The following SHLD2 variants were observed in gnomAD, a reference collection of about 807,000 sequenced individuals.
The protein encoded by SHLD2 is shieldin complex subunit 2, also known as RINN1-REV7-interacting novel NHEJ regulator 2.
Under a neutral mutation model 73.2 loss-of-function variants are expected in SHLD2, and 30 were observed. The ratio of observed to expected loss-of-function variants is 0.41; its 90% CI spans 0.31 to 0.56. The LOEUF (loss-of-function observed/expected upper bound fraction) is 0.56, where lower values mean the gene tolerates loss of function less well. SHLD2 is among the 20% of genes least tolerant of loss of function. The pLI is 0.28. For missense variants in SHLD2, 745 were observed against 1,055.9 expected (o/e 0.71, Z 4.08); for synonymous variants, 285 against 370.1 (o/e 0.77, Z 2.64).
At chr10:87,100,843 C>G (rs1424004730) in intron 2 of SHLD2, among the ~76,000 whole-genome samples, 1 of 151,568 alleles carries the variant, frequency 6.6e-6, no homozygotes, top group Non-Finnish European at 1.5e-5. Flanking sequence ...TTTTTTTTTC[C>G]AAGATTGGTT....
At chr10:87,162,731 G>A (rs1336898381) in intron 4 of SHLD2, among the ~76,000 whole-genome samples, 3 of 152,004 alleles carry the variant, frequency 2.0e-5, no homozygotes, top group Admixed American at 2.0e-4. Flanking sequence ...TATAAAAATG[G>A]CTATCAAATA....
chr10:87,155,449 G>A (rs1846346136), intron 3 of SHLD2, among the ~76,000 whole-genome samples: 2 of 151,776 alleles, frequency 1.3e-5, no homozygotes, highest in Non-Finnish European at 1.5e-5. Flanking sequence ...CACAGCATGA[G>A]AACAGGCTGA....
At chr10:87,105,545 A>C (rs1842543133) in intron 2 of SHLD2, among the ~76,000 whole-genome samples, 1 of 152,258 alleles carries the variant, frequency 6.6e-6, no homozygotes, top group Admixed American at 6.5e-5. Context: ...ATCCAAATAA[A>C]AATGGCTTAA....
chr10:87,138,610 A>G (rs1346650666), intron 2 of SHLD2, among the ~76,000 whole-genome samples: 2 of 152,228 alleles, frequency 1.3e-5, no homozygotes, highest in African/African-American at 4.8e-5. Context: ...TTATACTGTC[A>G]TATATTTCTT....
intron 4 of SHLD2, among the ~76,000 whole-genome samples, chr10:87,169,866 G>GAAAAATATTACAATGTAGCACA (rs1564609611): frequency 1.4e-4 from 21 of 152,216 alleles, no homozygotes; most frequent in Admixed American, 6.5e-4. Flanking sequence ...AATGTAGCAC[G>GAAAAATATTACAATGTAGCACA]TGCTCAAAAG....
intron 2 of SHLD2, among the ~76,000 whole-genome samples, chr10:87,130,554 T>C (rs1215348102): frequency 2.6e-5 from 4 of 151,986 alleles, no homozygotes; most frequent in African/African-American, 4.8e-5. Context: ...TACTGAGAGA[T>C]TGAGCGTTTC....
At chr10:87,136,770 G>T (rs1310772408) in intron 2 of SHLD2, among the ~76,000 whole-genome samples, 2 of 151,946 alleles carry the variant, frequency 1.3e-5, no homozygotes, top group Non-Finnish European at 2.9e-5. Context: ...TACATGTAAG[G>T]TACTCCCACA....
chr10:87,139,534 A>G (rs970986502), intron 2 of SHLD2, among the ~76,000 whole-genome samples: 32 of 152,332 alleles, frequency 2.1e-4, no homozygotes, highest in Non-Finnish European at 3.4e-4. Flanking sequence ...ATATGTTAAT[A>G]CAAGTATTAT....
At chr10:87,173,716 C>T (rs1267633170) in intron 6 of SHLD2, among the ~76,000 whole-genome samples, 2 of 150,972 alleles carry the variant, frequency 1.3e-5, no homozygotes. Flanking sequence ...ACATAAAAAC[C>T]ACCATGTACA....
intron 8 of SHLD2, among the ~76,000 whole-genome samples, chr10:87,185,477 T>C (rs1339133662): frequency 6.6e-6 from 1 of 152,220 alleles, no homozygotes; most frequent in Non-Finnish European, 1.5e-5. Context: ...CTGTTTAACC[T>C]TTTGAGGACT....
chr10:87,131,967 G>A (rs1291743869), intron 2 of SHLD2, among the ~76,000 whole-genome samples: 3 of 152,122 alleles, frequency 2.0e-5, no homozygotes, highest in Non-Finnish European at 4.4e-5. Context: ...AGTAACTAAT[G>A]ACATTGAGCC....
chr10:87,145,982 C>T (rs1391928867), intron 2 of SHLD2, among the ~76,000 whole-genome samples: 1 of 152,118 alleles, frequency 6.6e-6, no homozygotes, highest in South Asian at 2.1e-4. Context: ...TTTTGTTTCC[C>T]CCTGCCCTTG....
chr10:87,134,530 G>C (rs1255258132), intron 2 of SHLD2, among the ~76,000 whole-genome samples: 9 of 152,162 alleles, frequency 5.9e-5, no homozygotes, highest in Non-Finnish European at 1.3e-4. Flanking sequence ...CCACACTCCA[G>C]CTCCTACCCA....
intron 2 of SHLD2, among the ~76,000 whole-genome samples, chr10:87,148,880 A>T (rs1055550525): frequency 2.6e-5 from 4 of 151,238 alleles, no homozygotes; most frequent in Non-Finnish European, 5.9e-5. Flanking sequence ...TATTCCCACC[A>T]ACTTTTTTTT....
intron 2 of SHLD2, among the ~76,000 whole-genome samples, chr10:87,140,181 G>A (rs1458531483): frequency 2.6e-5 from 4 of 152,064 alleles, no homozygotes; most frequent in Non-Finnish European, 5.9e-5. Context: ...CACTTTGGGG[G>A]CCGAGAGGGG....
chr10:87,156,232 A>G (rs1846419863), intron 3 of SHLD2, among the ~76,000 whole-genome samples: 1 of 151,826 alleles, frequency 6.6e-6, no homozygotes, highest in Non-Finnish European at 1.5e-5. Context: ...ACGCCTGACT[A>G]ATTTTTGTAT....
intron 2 of SHLD2, among the ~76,000 whole-genome samples, chr10:87,145,163 G>A (rs538927183): frequency 1.3e-5 from 2 of 152,062 alleles, no homozygotes; most frequent in Admixed American, 6.5e-5. Flanking sequence ...GGATGGTCTC[G>A]ATCTCCTGAC....
At chr10:87,144,199 A>G (rs1412670158) in intron 2 of SHLD2, among the ~76,000 whole-genome samples, 1 of 152,094 alleles carries the variant, frequency 6.6e-6, no homozygotes, top group Admixed American at 6.6e-5. Context: ...CAGCTAGAGT[A>G]AAGTTCACTT....
At chr10:87,145,630 A>G (rs1412511821) in intron 2 of SHLD2, among the ~76,000 whole-genome samples, 2 of 151,698 alleles carry the variant, frequency 1.3e-5, no homozygotes, top group Non-Finnish European at 2.9e-5. Context: ...TTAATGATAC[A>G]TGTTTTGTAA....
Sources: allele counts gnomAD v4.1 joint callset (sites outside exome capture counted in the v4.1 genomes callset), GRCh38; gene constraint gnomAD v4.1.1; transcripts MANE v1.5; gene names NCBI Gene and HGNC (gene_info 2026-07-23, HGNC 2026-07-21).